The following TMEM17 variants were observed in gnomAD, a reference collection of about 807,000 sequenced individuals.
TMEM17 encodes the protein transmembrane protein 17.
Under a neutral mutation model 19.1 loss-of-function variants are expected in TMEM17, and 15 were observed. The observed-to-expected ratio is 0.78, with a 90% confidence interval of 0.52 to 1.21. The LOEUF (loss-of-function observed/expected upper bound fraction) is 1.21, where lower values mean the gene tolerates loss of function less well. Among genes scored for constraint, TMEM17 ranks in the 50% most tolerant of loss-of-function variants. The pLI is 0.00. For synonymous variants in TMEM17, 103 were observed against 86.9 expected (o/e 1.19, Z -1.03); for missense variants, 245 against 242.3 (o/e 1.01, Z -0.07).
chr2:62,469,311 G>C, the TMEM17 span, among the ~76,000 whole-genome samples: 1 of 152,202 alleles, frequency 6.6e-6, no homozygotes, highest in African/African-American at 2.4e-5. Context: ...GTTATGCAAG[G>C]CTGGGAGGTC....
the TMEM17 span, among the ~76,000 whole-genome samples, chr2:62,470,213 A>G: frequency 6.6e-6 from 1 of 152,178 alleles, no homozygotes; most frequent in Non-Finnish European, 1.5e-5. Context: ...TATTATGAGC[A>G]CTTCTCTCTC....
the TMEM17 span, among the ~76,000 whole-genome samples, chr2:62,487,129 G>T: frequency 1.3e-5 from 2 of 152,090 alleles, no homozygotes; most frequent in Admixed American, 6.5e-5. Context: ...TATAGTCCTG[G>T]AGGTCAGAAG....
chr2:62,487,900 G>T, the TMEM17 span, among the ~76,000 whole-genome samples: 1 of 152,178 alleles, frequency 6.6e-6, no homozygotes, highest in African/African-American at 2.4e-5. Context: ...TCACCATGTT[G>T]GCCAGGCTGG....
chr2:62,504,140 A>G (rs565198239), intron 1 of TMEM17, among the ~76,000 whole-genome samples: 1 of 152,358 alleles, frequency 6.6e-6, no homozygotes, highest in Non-Finnish European at 1.5e-5. Flanking sequence ...TTAAAATATA[A>G]GAAATAGTCA....
At chr2:62,462,551 A>G in the TMEM17 span, among the ~76,000 whole-genome samples, 4 of 152,278 alleles carry the variant, frequency 2.6e-5, no homozygotes, top group African/African-American at 9.6e-5. Flanking sequence ...GTGCTACCCC[A>G]TGGAAGGTAC....
chr2:62,478,360 C>A, the TMEM17 span, among the ~76,000 whole-genome samples: 4 of 152,288 alleles, frequency 2.6e-5, no homozygotes, highest in African/African-American at 9.6e-5. Context: ...ACATGTACTG[C>A]TTTGTTGCTT....
At chr2:62,479,525 T>G in the TMEM17 span, among the ~76,000 whole-genome samples, 7,424 of 152,258 alleles carry the variant, frequency 0.049, 424 homozygotes, top group African/African-American at 0.14. Flanking sequence ...CTATTGTGAA[T>G]AGTGCTGCAA....
chr2:62,454,777 C>T, the TMEM17 span, among the ~76,000 whole-genome samples: 5 of 152,176 alleles, frequency 3.3e-5, no homozygotes. Context: ...GATCTCAGCT[C>T]ACTGCAAGCT....
intron 1 of TMEM17, among the ~76,000 whole-genome samples, chr2:62,504,735 ACAGT>A (rs1680020131): frequency 6.6e-6 from 1 of 152,256 alleles, no homozygotes; most frequent in African/African-American, 2.4e-5. Context: ...CTGTTTTTGT[ACAGT>A]CAATGAGCTA....
At chr2:62,475,221 G>A in the TMEM17 span, among the ~76,000 whole-genome samples, 1 of 152,232 alleles carries the variant, frequency 6.6e-6, no homozygotes, top group Admixed American at 6.5e-5. Context: ...GGATGGTGAG[G>A]ACAGACCCGG....
At chr2:62,496,045 T>C (rs940690875), downstream of TMEM17, among the ~76,000 whole-genome samples, 2 of 151,716 alleles carry the variant, frequency 1.3e-5, no homozygotes, top group Non-Finnish European at 2.9e-5. Flanking sequence ...TTCAAAAATC[T>C]TTTTTTTATT....
chr2:62,501,544 A>G, intron 3 of TMEM17, 57 bp from the exon 4 acceptor site: 1 of 1,513,694 alleles, frequency 6.6e-7, no homozygotes, highest in East Asian at 2.3e-5. Flanking sequence ...TTCTGTTTAT[A>G]CAGATAAACA....
the TMEM17 span, among the ~76,000 whole-genome samples, chr2:62,457,687 C>G: frequency 6.6e-6 from 1 of 152,144 alleles, no homozygotes; most frequent in Non-Finnish European, 1.5e-5. This position sits in a 1 kb window ranked among gnomAD's most constrained non-coding sequence, Gnocchi z 4.2. Flanking sequence ...TCCTCAGCGT[C>G]CAGCACCTGT....
In TMEM17 at chr2:62,500,402, T is replaced by A. The variant is rs1215875478; in HGVS notation, c.*807A>T. ...ATAACAGCTAATATTAGGGTTAGAA[T>A]TTAACCCTAGCAGACATGAAAATTT... is the stretch of plus-strand genomic sequence containing the variant. On this transcript the variant is annotated 3_prime_UTR_variant, in exon 4 of 4. Transcript: ENST00000335390. 6.6e-6 allele frequency: 1 copy of A among 152,170 alleles called. No homozygotes were observed. Among genetic ancestry groups the A allele is most frequent in the Non-Finnish European group, 1.5e-5 (1 of 68,022 alleles). The allele number at this position is 152,170 out of a possible 1,614,324, so 9.4% of individuals were successfully genotyped here.
chr2:62,471,167 C>A, the TMEM17 span, among the ~76,000 whole-genome samples: 4 of 152,090 alleles, frequency 2.6e-5, no homozygotes, highest in Non-Finnish European at 5.9e-5. Flanking sequence ...GCACTTAATG[C>A]GTGTGGAGGG....
At chr2:62,491,164 T>C in the TMEM17 span, 2 of 133,692 alleles carry the variant, frequency 1.5e-5, no homozygotes, top group African/African-American at 5.7e-5. Context: ...TGCCACGCAA[T>C]AGAACCTCAA....
chr2:62,472,195 C>T, the TMEM17 span, among the ~76,000 whole-genome samples: 5 of 152,326 alleles, frequency 3.3e-5, no homozygotes, highest in East Asian at 7.7e-4. Flanking sequence ...AAGGATAACA[C>T]AGACTTAATG....
chr2:62,465,713 C>A, the TMEM17 span, among the ~76,000 whole-genome samples: 1 of 152,070 alleles, frequency 6.6e-6, no homozygotes, highest in Non-Finnish European at 1.5e-5. Context: ...CCCATAAATG[C>A]TCAAGAAGTT....
chr2:62,475,224 A>G, the TMEM17 span, among the ~76,000 whole-genome samples: 1 of 152,222 alleles, frequency 6.6e-6, no homozygotes, highest in Non-Finnish European at 1.5e-5. Flanking sequence ...TGGTGAGGAC[A>G]GACCCGGCAG....
Sources: gnomAD v4.1 joint callset for allele counts (sites outside exome capture counted in the v4.1 genomes callset) on GRCh38, gnomAD v4.1.1 for gene constraint, Gnocchi (gnomAD v3.1) non-coding constraint, MANE v1.5 for transcripts, NCBI Gene and HGNC (gene_info 2026-07-23, HGNC 2026-07-21) for gene names.